Variants in GNL2 observed in about 807,000 individuals in gnomAD.
GNL2 encodes G protein nucleolar 2.
A neutral mutation model predicts 92.3 loss-of-function variants in GNL2; 51 were observed. The ratio of observed to expected loss-of-function variants is 0.55; its 90% CI spans 0.44 to 0.70. The LOEUF (loss-of-function observed/expected upper bound fraction) is 0.70, where lower values mean the gene tolerates loss of function less well. GNL2 is among the 30% of genes least tolerant of loss of function. The pLI is 0.00. For missense variants in GNL2, 844 were observed against 895.6 expected (o/e 0.94, Z 0.74); for synonymous variants, 283 against 300.6 (o/e 0.94, Z 0.61).
chr1:37,573,406 A>G (rs1570051895), intron 12 of GNL2, among the ~76,000 whole-genome samples: 1 of 152,236 alleles, frequency 6.6e-6, no homozygotes, highest in Non-Finnish European at 1.5e-5. Flanking sequence ...TAGAACCAGA[A>G]AGGCAAAACG....
intron 1 of GNL2, 126 bp from the exon 2 acceptor site, chr1:37,593,972 C>T (rs1643905601): frequency 1.6e-6 from 1 of 631,506 alleles, no homozygotes; most frequent in African/African-American, 1.8e-5. Flanking sequence ...ACAAAAATCT[C>T]TACTTTCTCC....
chr1:37,573,137 A>C (rs1436177603), intron 12 of GNL2, among the ~76,000 whole-genome samples: 1 of 152,214 alleles, frequency 6.6e-6, no homozygotes, highest in Non-Finnish European at 1.5e-5. Flanking sequence ...AATACACATG[A>C]AGAGGGAGAG....
chr1:37,574,996 C>T (rs1182503254), intron 10 of GNL2, among the ~76,000 whole-genome samples, 173 bp from the exon 11 acceptor site: 2 of 152,206 alleles, frequency 1.3e-5, no homozygotes, highest in African/African-American at 4.8e-5. Context: ...AGGAGCACTG[C>T]TGAAAGCTGA....
intron 8 of GNL2, among the ~76,000 whole-genome samples, chr1:37,578,319 C>T (rs925102245): frequency 2.0e-5 from 3 of 151,764 alleles, no homozygotes; most frequent in Non-Finnish European, 4.4e-5. Context: ...CTTGCCTGTA[C>T]TCCCAGCTAC....
chr1:37,577,835 C>G (rs1643702687), intron 8 of GNL2, among the ~76,000 whole-genome samples: 2 of 152,182 alleles, frequency 1.3e-5, no homozygotes, highest in Non-Finnish European at 2.9e-5. Context: ...CAAAGAAATC[C>G]AGGGCCTATG....
intron 12 of GNL2, among the ~76,000 whole-genome samples, chr1:37,572,078 T>C (rs919982023): frequency 6.6e-6 from 1 of 152,140 alleles, no homozygotes; most frequent in South Asian, 2.1e-4. Context: ...TCCTGTCTCA[T>C]ATTAAGGGCT....
chr1:37,580,498 G>T (rs1459107592), intron 8 of GNL2, among the ~76,000 whole-genome samples: 1 of 152,162 alleles, frequency 6.6e-6, no homozygotes, highest in Non-Finnish European at 1.5e-5. Context: ...TTCCTTCTCA[G>T]GAAACTTTTG....
intron 8 of GNL2, among the ~76,000 whole-genome samples, chr1:37,576,786 G>C (rs921395231): frequency 6.6e-6 from 1 of 152,178 alleles, no homozygotes; most frequent in Non-Finnish European, 1.5e-5. Flanking sequence ...AATTATCCTT[G>C]TATGTGTTAA....
chr1:37,582,332 C>A lies in GNL2; in HGVS notation c.800G>T (p.Arg267Leu), dbSNP rs969584499. 1.9e-6 allele frequency: 3 copies of A among 1,601,692 alleles called. No homozygotes were observed. The highest frequency in any genetic ancestry group is 1.7e-6 in the Non-Finnish European group (2 of 1,172,592). The change falls in exon 8 of 16, where the codon CGG becomes CTG. Residue 267 changes from arginine (R) to leucine (L), a missense_variant. Arg to Leu is a moderately radical substitution (Grantham distance 102). Transcript: ENST00000373062. Reference protein sequence around the residue: ...CDLVPTWATKRWVAVLSQDYP... With the variant: ...CDLVPTWATKLWVAVLSQDYP... ...ATCCTGGGAGAGGACAGCAACCCAC[C>A]GTTTCTAGAAGGAGAGATGAAAACA...
At chr1:37,582,682 C>T in intron 7 of GNL2, 96 bp downstream of exon 7, 1 of 1,040,782 alleles carries the variant, frequency 9.6e-7, no homozygotes, top group Non-Finnish European at 1.4e-6. Context: ...CCCATTACTA[C>T]AATCTCAGCC....
At chr1:37,591,195 T>C (rs1643885445) in intron 3 of GNL2, among the ~76,000 whole-genome samples, 1 of 152,188 alleles carries the variant, frequency 6.6e-6, no homozygotes, top group African/African-American at 2.4e-5. Context: ...CTGGAGCCAA[T>C]CACAGCTGAT....
intron 8 of GNL2, among the ~76,000 whole-genome samples, chr1:37,577,107 C>CAA (rs544174738): frequency 4.4e-5 from 4 of 91,220 alleles, no homozygotes; most frequent in African/African-American, 1.2e-4. Flanking sequence ...ACTCCAGTCT[C>CAA]AAAAAAAAAA....
intron 5 of GNL2, among the ~76,000 whole-genome samples, chr1:37,586,485 C>T (rs375487883): frequency 2.4e-4 from 37 of 152,250 alleles, no homozygotes; most frequent in African/African-American, 7.7e-4. Context: ...TCTCCTCCTC[C>T]TCCTCCCCAA....
intron 4 of GNL2, among the ~76,000 whole-genome samples, chr1:37,590,266 G>A (rs951891811): frequency 2.6e-5 from 4 of 152,086 alleles, no homozygotes; most frequent in African/African-American, 9.7e-5. Context: ...GCACCACCAC[G>A]CCTGGCTAAT....
chr1:37,569,533 C>T (rs1174984473), intron 12 of GNL2: 1 of 485,294 alleles, frequency 2.1e-6, no homozygotes, highest in South Asian at 2.9e-5. Flanking sequence ...GATGAACCAA[C>T]TAAGACTATT....
At chr1:37,576,204 TTAAC>T in intron 9 of GNL2, 2 of 464,078 alleles carry the variant, frequency 4.3e-6, no homozygotes, top group East Asian at 3.9e-5. Context: ...ATGAATCACA[TTAAC>T]TAACACAGGC....
chr1:37,584,244 T>A (rs1328362926), intron 5 of GNL2, among the ~76,000 whole-genome samples: 1 of 150,654 alleles, frequency 6.6e-6, no homozygotes, highest in Non-Finnish European at 1.5e-5. Flanking sequence ...AGCCCAGGAG[T>A]TCGAGACCAG....
At chr1:37,588,682 G>A (rs1643870732) in intron 4 of GNL2, among the ~76,000 whole-genome samples, 1 of 152,088 alleles carries the variant, frequency 6.6e-6, no homozygotes, top group Admixed American at 6.5e-5. Context: ...GTAATATACA[G>A]TATATAAAGC....
Position 37,587,500 on chromosome 1 carries a change from A to C in GNL2, c.385-5T>G. The C allele has an allele frequency of 6.3e-7, 1 of 1,593,412 alleles. No individual in the cohort carries two copies. ...AAGAATGTGCACCTTCAAGTTCTGA[A>C]GAGAAAGGAGAATAACAGGTAAAAC... On this transcript the variant is annotated splice_region_variant and splice_polypyrimidine_tract_variant and intron_variant, in intron 4 of 15. Transcript: ENST00000373062.
Sources: allele counts gnomAD v4.1 joint callset (sites outside exome capture counted in the v4.1 genomes callset), GRCh38; gene constraint gnomAD v4.1.1; transcripts MANE v1.5; gene names NCBI Gene and HGNC (gene_info 2026-07-23, HGNC 2026-07-21).